The following CRACR2A variants were observed in gnomAD, a reference collection of about 807,000 sequenced individuals.
CRACR2A encodes the protein EF-hand calcium-binding domain-containing protein 4B.
In CRACR2A, 79 loss-of-function variants were observed where a neutral mutation model predicts 90.5. The ratio of observed to expected loss-of-function variants is 0.87; its 90% CI spans 0.73 to 1.05. The LOEUF (loss-of-function observed/expected upper bound fraction) is 1.05, where lower values mean the gene tolerates loss of function less well. Ranked by LOEUF, CRACR2A falls within the 50% of genes least tolerant of loss-of-function variation. The pLI is 0.00. For missense variants in CRACR2A, 823 were observed against 897.2 expected, an observed-to-expected ratio of 0.92 and a Z score of 1.06; for synonymous variants, 338 against 356.7, an observed-to-expected ratio of 0.95 and a Z score of 0.59.
intron 2 of CRACR2A, among the ~76,000 whole-genome samples, chr12:3,716,967 G>A (rs73033621): frequency 0.11 from 17,059 of 152,002 alleles, 1,072 homozygotes; most frequent in Middle Eastern, 0.19. Context: ...TTTGGAAGAC[G>A]CTTTGTACAA....
At chr12:3,734,197 T>C (rs756418176) in intron 1 of CRACR2A, among the ~76,000 whole-genome samples, 133 of 152,138 alleles carry the variant, frequency 8.7e-4, no homozygotes, top group Non-Finnish European at 1.4e-3. Flanking sequence ...CAGGATGGTC[T>C]CTATCTCCTG....
chr12:3,733,970 C>CTTT (rs1555121368), intron 1 of CRACR2A, among the ~76,000 whole-genome samples: 11 of 55,608 alleles, frequency 2.0e-4, no homozygotes, highest in South Asian at 5.2e-4. Flanking sequence ...CACATTTTGC[C>CTTT]TTATTTTTTT....
At chr12:3,728,772 C>T (rs1946313008) in intron 2 of CRACR2A, 1 of 152,248 alleles carries the variant, frequency 6.6e-6, no homozygotes, top group South Asian at 2.1e-4. Context: ...GGGAGGGTTC[C>T]TTTGGCCCAC....
chr12:3,619,719 C>A (rs976527438), intron 17 of CRACR2A, among the ~76,000 whole-genome samples: 5 of 152,230 alleles, frequency 3.3e-5, no homozygotes, highest in Admixed American at 6.5e-5. Context: ...AGGCTGCATG[C>A]CTCCTTCCAG....
chr12:3,645,858 A>T (rs1460675448), intron 11 of CRACR2A, among the ~76,000 whole-genome samples: 3 of 152,214 alleles, frequency 2.0e-5, no homozygotes, highest in African/African-American at 7.2e-5. Context: ...GACAAGAAAC[A>T]TTAGAGTACA....
At chr12:3,647,158 G>A (rs553149393) in intron 11 of CRACR2A, among the ~76,000 whole-genome samples, 147 of 150,930 alleles carry the variant, frequency 9.7e-4, no homozygotes, top group African/African-American at 3.4e-3. Context: ...TTCCACCACC[G>A]TCCCACCCCT....
intron 3 of CRACR2A, among the ~76,000 whole-genome samples, chr12:3,704,134 T>C (rs1945878494): frequency 6.6e-6 from 1 of 152,212 alleles, no homozygotes; most frequent in South Asian, 2.1e-4. Context: ...ATAGCACTTT[T>C]ATTTGTAATA....
chr12:3,704,717 C>T (rs968442689), intron 3 of CRACR2A, among the ~76,000 whole-genome samples: 1 of 152,196 alleles, frequency 6.6e-6, no homozygotes, highest in Non-Finnish European at 1.5e-5. Flanking sequence ...CTTTTACATT[C>T]AACTCTGGCA....
At chr12:3,663,134 C>T (rs947735287) in intron 7 of CRACR2A, among the ~76,000 whole-genome samples, 4 of 151,998 alleles carry the variant, frequency 2.6e-5, no homozygotes, top group African/African-American at 7.3e-5. Flanking sequence ...GTTATAAACA[C>T]GCAGGCATTT....
intron 17 of CRACR2A, among the ~76,000 whole-genome samples, chr12:3,623,812 G>A (rs1279188158): frequency 6.6e-6 from 1 of 152,176 alleles, no homozygotes; most frequent in Non-Finnish European, 1.5e-5. Flanking sequence ...CAAGGGCAAG[G>A]CCACAGTCTT....
At chr12:3,619,191 C>T (rs1867756902) in intron 18 of CRACR2A, 80 bp downstream of exon 18, 2 of 1,162,276 alleles carry the variant, frequency 1.7e-6, no homozygotes, top group South Asian at 2.8e-5. Context: ...GAGAAAGTCC[C>T]CACCAAGGCT....
chr12:3,664,818 C>T (rs537022962), intron 7 of CRACR2A, among the ~76,000 whole-genome samples: 2 of 152,296 alleles, frequency 1.3e-5, no homozygotes, highest in Admixed American at 1.3e-4. Context: ...ACCAGCCTGA[C>T]CAACATGGCG....
At chr12:3,647,842 A>G in intron 11 of CRACR2A, 14 of 985,084 alleles carry the variant, frequency 1.4e-5, no homozygotes, top group Non-Finnish European at 1.7e-5. Flanking sequence ...AGAGGTGCTC[A>G]GCAGGCAGTG....
chr12:3,717,551 C>A (rs1193848220), intron 2 of CRACR2A, among the ~76,000 whole-genome samples: 1 of 152,186 alleles, frequency 6.6e-6, no homozygotes, highest in Non-Finnish European at 1.5e-5. Context: ...ACACCACCGA[C>A]TGAACGATAA....
intron 4 of CRACR2A, among the ~76,000 whole-genome samples, chr12:3,693,488 T>C (rs1945687009): frequency 6.6e-6 from 1 of 152,178 alleles, no homozygotes; most frequent in Admixed American, 6.5e-5. Context: ...GGAGATGGGT[T>C]TCTTGTAAAA....
intron 6 of CRACR2A, 41 bp from the exon 7 acceptor site, chr12:3,673,633 G>A: frequency 6.3e-7 from 1 of 1,599,758 alleles, no homozygotes. Flanking sequence ...GTGGAGATGA[G>A]GCTTCACGGG....
At chr12:3,743,916 CAGA>C (rs1333761405) in intron 1 of CRACR2A, among the ~76,000 whole-genome samples, 1 of 152,274 alleles carries the variant, frequency 6.6e-6, no homozygotes, top group East Asian at 1.9e-4. Flanking sequence ...GGACACGTCG[CAGA>C]AGATGTGTCA....
intron 2 of CRACR2A, chr12:3,730,926 A>T (rs1946350990): frequency 6.6e-6 from 1 of 152,240 alleles, no homozygotes; most frequent in Non-Finnish European, 1.5e-5. Context: ...ACACAAATGT[A>T]TTGCTTATTT....
chr12:3,678,968 TTCC>T lies in CRACR2A; in HGVS notation c.468_470del (p.Glu157del), dbSNP rs1054598266. 19 of 1,613,704 alleles carry T rather than the reference TTCC, an allele frequency of 1.2e-5. No homozygotes were observed. Among genetic ancestry groups the T allele is most frequent in the Non-Finnish European group, 1.6e-5 (19 of 1,179,940 alleles). On this transcript the variant is annotated inframe_deletion, in exon 6 of 20. Coordinates refer to ENST00000440314, the MANE Select transcript of CRACR2A (RefSeq NM_001144958.2). ...TGTCCATCAGCATCCGGAACTGGGC[TTCC>T]TCATCTTCGCCCATGTCGCCCAGAT... is the stretch of plus-strand genomic sequence containing the variant.
Sources: allele counts gnomAD v4.1 joint callset (sites outside exome capture counted in the v4.1 genomes callset), GRCh38; gene constraint gnomAD v4.1.1; transcripts MANE v1.5; gene names NCBI Gene and HGNC (gene_info 2026-07-23, HGNC 2026-07-21).